Variants in CDH12 observed in about 807,000 individuals in gnomAD.
CDH12 encodes the protein cadherin-12.
CDH12 carries 41 observed loss-of-function variants against 74.1 expected under a neutral mutation model. The observed-to-expected ratio is 0.55, with a 90% CI of 0.43 to 0.72. CDH12 has a LOEUF of 0.72. Among genes scored for constraint, CDH12 ranks in the 30% least tolerant of loss-of-function variants. CDH12 has a pLI of 0.00. For synonymous variants in CDH12, 399 were observed against 355.0 expected (o/e 1.12, Z -1.39); for missense variants, 945 against 977.2 (o/e 0.97, Z 0.44).
rs1168777867 is a variant in CDH12, at chr5:21,822,264, T to G, written c.815-5132A>C. On this transcript the variant is annotated intron_variant, in intron 8 of 14. Coordinates refer to ENST00000382254, the MANE Select transcript of CDH12 (RefSeq NM_004061.5). ...ATATTTGTATATAATATTTGTATAG[T>G]CTATATGTATTATAATTTTTCCTAT... Among the ~76,000 whole-genome samples, 4 of 146,202 alleles carry G rather than the reference T, an allele frequency of 2.7e-5. No homozygotes were observed. The East Asian group carries it at 7.9e-4, about 29-fold the overall frequency.
intron 1 of CDH12, among the ~76,000 whole-genome samples, chr5:22,511,937 G>T (rs955585250): frequency 7.4e-6 from 1 of 135,468 alleles, no homozygotes; most frequent in Non-Finnish European, 1.6e-5. Flanking sequence ...CTATGATTGT[G>T]TGTGTGTGTG....
intron 11 of CDH12, among the ~76,000 whole-genome samples, chr5:21,779,745 G>A (rs1166114168): frequency 2.0e-5 from 3 of 152,068 alleles, no homozygotes; most frequent in Admixed American, 6.5e-5. Flanking sequence ...GGGCAAGTGT[G>A]GGCTATTCAT....
At chr5:22,642,600 G>A (rs1284622989) in intron 1 of CDH12, among the ~76,000 whole-genome samples, 2 of 152,130 alleles carry the variant, frequency 1.3e-5, no homozygotes, top group Non-Finnish European at 2.9e-5. Flanking sequence ...CAGAATGCCA[G>A]AAATCTAAGT....
chr5:22,513,147 T>C (rs1357673015), intron 1 of CDH12, among the ~76,000 whole-genome samples: 1 of 152,162 alleles, frequency 6.6e-6, no homozygotes, highest in Non-Finnish European at 1.5e-5. Context: ...TGATATCTCT[T>C]GAAATTAGAA....
At chr5:21,765,668 T>TA (rs928799308) in intron 11 of CDH12, among the ~76,000 whole-genome samples, 3 of 151,946 alleles carry the variant, frequency 2.0e-5, no homozygotes, top group Non-Finnish European at 4.4e-5. Flanking sequence ...TTGCTGGTGA[T>TA]AAAAAAGGAA....
chr5:21,791,819 A>G (rs1016977763), intron 10 of CDH12, among the ~76,000 whole-genome samples: 4 of 151,706 alleles, frequency 2.6e-5, no homozygotes, highest in African/African-American at 2.4e-5. Flanking sequence ...TAAAATTTTT[A>G]TTCTATTTAT....
At chr5:22,631,382 A>C (rs1358261894) in intron 1 of CDH12, among the ~76,000 whole-genome samples, 1 of 152,202 alleles carries the variant, frequency 6.6e-6, no homozygotes. Flanking sequence ...CACAGAATCA[A>C]CCTAAATGTT....
intron 3 of CDH12, among the ~76,000 whole-genome samples, chr5:22,268,617 C>A (rs2150398630): frequency 6.6e-6 from 1 of 152,088 alleles, no homozygotes; most frequent in East Asian, 1.9e-4. Flanking sequence ...AAGGTTTAGG[C>A]AATGTCCATA....
intron 3 of CDH12, among the ~76,000 whole-genome samples, chr5:22,273,981 A>G (rs182757725): frequency 3.8e-4 from 58 of 152,306 alleles, no homozygotes; most frequent in Middle Eastern, 3.4e-3. Flanking sequence ...TTTTTAAAGT[A>G]TATGTGAATT....
In CDH12 at chr5:22,552,294, C is replaced by G. The variant is rs6897138; in HGVS notation, c.-522-46930G>C. On this transcript the variant is annotated intron_variant, in intron 1 of 14. Coordinates refer to ENST00000382254, the MANE Select transcript of CDH12 (RefSeq NM_004061.5). Reference sequence around the variant, plus strand: ...TTTTTAAAACAAAACAAAACAAAAACGAAAACAAACAAACATATCATCATG... The same window carrying G: ...TTTTTAAAACAAAACAAAACAAAAAGGAAAACAAACAAACATATCATCATG... 5.3e-5 allele frequency among the ~76,000 whole-genome samples: 8 copies of G among 152,058 alleles called. 2 individuals are homozygous for G. Among genetic ancestry groups the G allele is most frequent in the Admixed American group, 5.2e-4 (8 of 15,256 alleles).
At chr5:22,517,048 A>G (rs1736843280) in intron 1 of CDH12, among the ~76,000 whole-genome samples, 1 of 151,980 alleles carries the variant, frequency 6.6e-6, no homozygotes, top group Non-Finnish European at 1.5e-5. Context: ...TTTTTTAAAA[A>G]ATAGCTATAG....
At chr5:22,536,355 G>C (rs1207310922) in intron 1 of CDH12, among the ~76,000 whole-genome samples, 1 of 152,046 alleles carries the variant, frequency 6.6e-6, no homozygotes, top group African/African-American at 2.4e-5. Context: ...CAGGTTAAAA[G>C]AATGATGAAA....
intron 3 of CDH12, among the ~76,000 whole-genome samples, chr5:22,402,342 A>C (rs560480334): frequency 3.3e-5 from 5 of 152,318 alleles, no homozygotes; most frequent in Admixed American, 1.3e-4. Context: ...TGTCAGTAGA[A>C]AGACAAACAT....
At chr5:22,706,327 T>A (rs1743005988) in intron 1 of CDH12, among the ~76,000 whole-genome samples, 1 of 152,030 alleles carries the variant, frequency 6.6e-6, no homozygotes, top group African/African-American at 2.4e-5. Context: ...GCTTATGTTT[T>A]TCCATTTTAG....
Position 22,732,465 on chromosome 5 carries a change from TATATATACACAC to T in CDH12, c.-523+120581_-523+120592del, listed in dbSNP as rs766961841. On this transcript the variant is annotated intron_variant, in intron 1 of 14. Coordinates refer to ENST00000382254, the MANE Select transcript of CDH12 (RefSeq NM_004061.5). ...ATATGTGAATGTGTGTGTATATATA[TATATATACACAC>T]ACACACACACACACACACACACACA... Among the ~76,000 whole-genome samples, 620 of 96,448 alleles carry T rather than the reference TATATATACACAC, an allele frequency of 6.4e-3. 2 individuals carry two copies. Among genetic ancestry groups the T allele is most frequent in the Middle Eastern group, 0.022 (4 of 182 alleles). 63.3% of individuals were successfully genotyped at this position (96,448 alleles called of 152,430 possible).
intron 1 of CDH12, among the ~76,000 whole-genome samples, chr5:22,617,269 C>G (rs562184706): frequency 6.6e-6 from 1 of 152,184 alleles, no homozygotes; most frequent in African/African-American, 2.4e-5. Flanking sequence ...GAATGAGGAA[C>G]TGTGCCCTCA....
intron 1 of CDH12, among the ~76,000 whole-genome samples, chr5:22,620,877 A>G (rs2126839752): frequency 6.6e-6 from 1 of 152,332 alleles, no homozygotes; most frequent in East Asian, 1.9e-4. Context: ...TTGTAAAACC[A>G]TAAAAGTTTT....
At chr5:22,842,154 C>G (rs916811429) in intron 1 of CDH12, among the ~76,000 whole-genome samples, 6 of 152,096 alleles carry the variant, frequency 3.9e-5, no homozygotes, top group African/African-American at 1.2e-4. Flanking sequence ...AACCCCAAAT[C>G]AAATTCTGTT....
At chr5:21,870,496 C>T (rs1156731785) in intron 6 of CDH12, among the ~76,000 whole-genome samples, 1 of 152,132 alleles carries the variant, frequency 6.6e-6, no homozygotes, top group Non-Finnish European at 1.5e-5. Flanking sequence ...AAGATTTGTC[C>T]AGATGTAGCC....
Sources: allele counts gnomAD v4.1 joint callset (sites outside exome capture counted in the v4.1 genomes callset), GRCh38; gene constraint gnomAD v4.1.1; transcripts MANE v1.5; gene names NCBI Gene and HGNC (gene_info 2026-07-23, HGNC 2026-07-21).